Variants in FAM153A observed in about 807,000 individuals in gnomAD.
FAM153A encodes protein FAM153A.
A neutral mutation model predicts 48.1 loss-of-function variants in FAM153A; 12 were observed. That is an observed-to-expected ratio of 0.25 (90% CI 0.16 to 0.40). FAM153A has a LOEUF of 0.40. Among genes scored for constraint, FAM153A ranks in the 10% least tolerant of loss-of-function variants. FAM153A has a pLI of 1.00. For missense variants in FAM153A, 111 were observed against 345.8 expected (o/e 0.32, Z 5.38); for synonymous variants, 36 against 118.2 (o/e 0.30, Z 4.51).
upstream of FAM153A, among the ~76,000 whole-genome samples, chr5:177,754,186 T>A (rs537486284): frequency 6.6e-6 from 1 of 152,086 alleles, no homozygotes; most frequent in Non-Finnish European, 1.5e-5. Flanking sequence ...ACCAGGAGAT[T>A]ATATCCTGCA....
At chr5:177,699,436 T>C in the FAM153A span, among the ~76,000 whole-genome samples, 4 of 151,782 alleles carry the variant, frequency 2.6e-5, no homozygotes, top group Admixed American at 2.0e-4. Context: ...AAATTTACTT[T>C]TAGCTTTTAG....
At chr5:177,705,076 G>T (rs1314826298), downstream of FAM153A, among the ~76,000 whole-genome samples, 2 of 150,652 alleles carry the variant, frequency 1.3e-5, no homozygotes, top group Non-Finnish European at 2.9e-5. Context: ...GGCCGAGGTG[G>T]GTGGATCACT....
chr5:177,697,179 T>G, the FAM153A span, among the ~76,000 whole-genome samples: 11 of 151,330 alleles, frequency 7.3e-5, no homozygotes, highest in East Asian at 2.1e-3. Flanking sequence ...TTTGTAAAAT[T>G]TATCCCTAAG....
chr5:177,708,513 G>A (rs920728119), downstream of FAM153A, among the ~76,000 whole-genome samples: 2 of 151,808 alleles, frequency 1.3e-5, no homozygotes, highest in African/African-American at 2.4e-5. Context: ...GGAGGCGGAG[G>A]TTGCGGTGAG....
At chr5:177,712,647 C>G (rs1758669909) in exon 27 of FAM153A, 1 of 151,430 alleles carries the variant, frequency 6.6e-6, no homozygotes, top group Non-Finnish European at 1.5e-5. Context: ...GGATGGACTG[C>G]ATGTTCTCTA....
intron 12 of FAM153A, among the ~76,000 whole-genome samples, chr5:177,735,301 G>C (rs1582377731): frequency 7.1e-6 from 1 of 140,436 alleles, no homozygotes; most frequent in East Asian, 2.1e-4. Flanking sequence ...TACGGAATAA[G>C]AAGCAACCTT....
the FAM153A span, among the ~76,000 whole-genome samples, chr5:177,698,087 G>A: frequency 6.6e-6 from 1 of 151,606 alleles, no homozygotes; most frequent in African/African-American, 2.4e-5. Flanking sequence ...TCTCCCCAGG[G>A]CTGGGTATTA....
chr5:177,713,370 C>A (rs1273963742), intron 26 of FAM153A, among the ~76,000 whole-genome samples: 1 of 150,948 alleles, frequency 6.6e-6, no homozygotes, highest in Non-Finnish European at 1.5e-5. Context: ...CCTGCCTCAG[C>A]CTCCCGAGTA....
chr5:177,708,532 G>A (rs370287710), downstream of FAM153A, among the ~76,000 whole-genome samples: 1,790 of 150,624 alleles, frequency 0.012, 47 homozygotes, highest in Admixed American at 0.059. Context: ...AGCAGAGATC[G>A]TGCCATTGCA....
Position 177,758,740 on chromosome 5 carries a change from T to C in FAM153A, c.-56-10041A>G, listed in dbSNP as rs938238079. 4.0e-5 allele frequency among the ~76,000 whole-genome samples: 6 copies of C among 149,426 alleles called. No homozygotes were observed. In the Admixed American group the frequency reaches 4.0e-4, roughly 10 times the overall value. ...AGAAATGGGGAAAGGATTCCCTATA[T>C]AATAAATGGTGCTGGGAAAACTGGC... On this transcript the variant is annotated intron_variant, in intron 1 of 8. Transcript: ENST00000393518.
intron 10 of FAM153A, among the ~76,000 whole-genome samples, chr5:177,738,347 C>T (rs1019696697): frequency 7.3e-5 from 11 of 151,332 alleles, no homozygotes; most frequent in Admixed American, 6.6e-4. Context: ...AAAGCCTGAC[C>T]TCGCAATGTC....
intron 14 of FAM153A, among the ~76,000 whole-genome samples, chr5:177,733,889 G>A (rs1454572997): frequency 7.9e-6 from 1 of 127,200 alleles, no homozygotes; most frequent in Non-Finnish European, 1.7e-5. Context: ...TGGGTGTGCA[G>A]TAAGAATTTG....
chr5:177,719,003 C>T (rs904830670), downstream of FAM153A, among the ~76,000 whole-genome samples: 2 of 151,472 alleles, frequency 1.3e-5, 1 homozygote, highest in Admixed American at 1.3e-4. Flanking sequence ...ACCTCAGCCT[C>T]CCGAGTAACT....
chr5:177,737,251 C>T (rs1764811307), intron 10 of FAM153A, 139 bp from the exon 13 acceptor site: 3 of 1,585,080 alleles, frequency 1.9e-6, no homozygotes, highest in Non-Finnish European at 2.6e-6. Context: ...GTCCATCCTC[C>T]ATGGTGGAGG....
At chr5:177,747,926 T>C (rs62398550) in intron 3 of FAM153A, 133 bp from the exon 6 acceptor site, 22,106 of 281,292 alleles carry the variant, frequency 0.079, 248 homozygotes, top group South Asian at 0.093. Flanking sequence ...TCTTTTTCTT[T>C]CTTTCTCTTT....
intron 1 of FAM153A, among the ~76,000 whole-genome samples, chr5:177,759,903 T>C (rs1342375856): frequency 2.0e-5 from 3 of 151,608 alleles, no homozygotes; most frequent in African/African-American, 7.3e-5. Context: ...TGTATACATA[T>C]GTAACAAACC....
intron 25 of FAM153A, chr5:177,714,108 A>AG (rs1180750290): frequency 2.6e-5 from 4 of 151,648 alleles, no homozygotes; most frequent in African/African-American, 9.7e-5. Flanking sequence ...CATCAATGTT[A>AG]GTGGCAAAGC....
downstream of FAM153A, among the ~76,000 whole-genome samples, chr5:177,709,044 G>A (rs1360813519): frequency 4.7e-5 from 6 of 127,158 alleles, no homozygotes; most frequent in African/African-American, 1.8e-4. Context: ...GCAATGAGCC[G>A]AGACTGCGCC....
At chr5:177,708,877 A>G (rs1270735005), downstream of FAM153A, among the ~76,000 whole-genome samples, 3 of 151,724 alleles carry the variant, frequency 2.0e-5, no homozygotes, top group Admixed American at 6.6e-5. Context: ...GGTGGATCAC[A>G]AAGTCAAGAG....
Sources: gnomAD v4.1 joint callset for allele counts (sites outside exome capture counted in the v4.1 genomes callset) on GRCh38, gnomAD v4.1.1 for gene constraint, MANE v1.5 for transcripts, NCBI Gene and HGNC (gene_info 2026-07-23, HGNC 2026-07-21) for gene names.